GALNT13: variants seen among roughly 807,000 people sequenced by gnomAD.
The protein encoded by GALNT13 is polypeptide N-acetylgalactosaminyltransferase 13.
GALNT13 carries 28 observed loss-of-function variants against 64.2 expected under a neutral mutation model. The ratio of observed to expected loss-of-function variants is 0.44; its 90% CI spans 0.32 to 0.60. The LOEUF is 0.60. Among genes scored for constraint, GALNT13 ranks in the 20% least tolerant of loss-of-function variants. The pLI is 0.05. For missense variants in GALNT13, 577 were observed against 669.8 expected, an observed-to-expected ratio of 0.86 and a Z score of 1.53; for synonymous variants, 214 against 224.6, an observed-to-expected ratio of 0.95 and a Z score of 0.42.
the GALNT13 span, among the ~76,000 whole-genome samples, chr2:153,741,953 C>T: frequency 1.3e-5 from 2 of 152,098 alleles, no homozygotes; most frequent in Non-Finnish European, 2.9e-5. Context: ...ATATAGCCAT[C>T]ATTTCAAATG....
At chr2:153,522,865 C>A in the GALNT13 span, among the ~76,000 whole-genome samples, 1 of 151,960 alleles carries the variant, frequency 6.6e-6, no homozygotes, top group East Asian at 1.9e-4. Context: ...TAATGAAGTC[C>A]AATTTATCAA....
chr2:154,179,468 C>T (rs1685838037), intron 4 of GALNT13, among the ~76,000 whole-genome samples: 1 of 152,108 alleles, frequency 6.6e-6, no homozygotes, highest in Admixed American at 6.6e-5. Context: ...TTGATTCTCT[C>T]ATACTCATTT....
the GALNT13 span, among the ~76,000 whole-genome samples, chr2:153,079,142 G>A: frequency 6.6e-6 from 1 of 152,208 alleles, no homozygotes; most frequent in Non-Finnish European, 1.5e-5. Context: ...TAGATCCCAA[G>A]TGGAGGGGCA....
intron 10 of GALNT13, among the ~76,000 whole-genome samples, chr2:154,401,238 G>A (rs1412332530): frequency 6.6e-6 from 1 of 152,098 alleles, no homozygotes; most frequent in Non-Finnish European, 1.5e-5. Flanking sequence ...AAGCTGCTAG[G>A]CTGCAGAGAT....
At chr2:153,143,206 C>T in the GALNT13 span, among the ~76,000 whole-genome samples, 14 of 151,894 alleles carry the variant, frequency 9.2e-5, no homozygotes, top group Non-Finnish European at 1.6e-4. Flanking sequence ...CACTCATTAA[C>T]GATATGTCAA....
At chr2:154,436,754 T>C (rs985002683) in intron 11 of GALNT13, 2 of 152,204 alleles carry the variant, frequency 1.3e-5, no homozygotes, top group Non-Finnish European at 2.9e-5. Flanking sequence ...CATGAAAAAG[T>C]AAAGAACCTA....
chr2:154,189,218 A>C (rs1364175080), intron 4 of GALNT13, among the ~76,000 whole-genome samples: 1 of 152,104 alleles, frequency 6.6e-6, no homozygotes, highest in Non-Finnish European at 1.5e-5. Flanking sequence ...TAGTGTATAG[A>C]GATGGAATGG....
the GALNT13 span, among the ~76,000 whole-genome samples, chr2:153,223,771 C>T: frequency 6.6e-6 from 1 of 151,702 alleles, no homozygotes; most frequent in Non-Finnish European, 1.5e-5. Context: ...TCAACCTGGC[C>T]AACATGGTGA....
chr2:153,168,741 A>G, the GALNT13 span, among the ~76,000 whole-genome samples: 4 of 152,218 alleles, frequency 2.6e-5, no homozygotes, highest in Non-Finnish European at 4.4e-5. Flanking sequence ...GTACATGTAA[A>G]GTGCCTGATT....
the GALNT13 span, among the ~76,000 whole-genome samples, chr2:153,376,321 C>T: frequency 6.6e-6 from 1 of 152,008 alleles, no homozygotes; most frequent in Non-Finnish European, 1.5e-5. Flanking sequence ...TATCACATGG[C>T]AATAGGCTAT....
chr2:154,243,492 A>G (rs1040142708), intron 6 of GALNT13, among the ~76,000 whole-genome samples: 1 of 152,192 alleles, frequency 6.6e-6, no homozygotes, highest in South Asian at 2.1e-4. Flanking sequence ...AAAAAGAAAC[A>G]TAAGAGCACA....
At chr2:153,233,811 C>T in the GALNT13 span, among the ~76,000 whole-genome samples, 4 of 152,128 alleles carry the variant, frequency 2.6e-5, no homozygotes, top group African/African-American at 9.7e-5. Flanking sequence ...CTTAGGAGAA[C>T]CTGCCCAGAA....
At chr2:154,352,312 C>G (rs1696459031) in intron 9 of GALNT13, among the ~76,000 whole-genome samples, 1 of 152,200 alleles carries the variant, frequency 6.6e-6, no homozygotes, top group Admixed American at 6.5e-5. Flanking sequence ...TGTTTCTGTT[C>G]TGGGACAGTT....
At chr2:153,359,630 CAAA>C in the GALNT13 span, among the ~76,000 whole-genome samples, 1 of 38,240 alleles carries the variant, frequency 2.6e-5, no homozygotes, top group African/African-American at 9.9e-5. Flanking sequence ...CAGCTTTCAG[CAAA>C]AAAAAAAAAA....
At position 154,391,507 on chromosome 2, in the gene GALNT13, TG is replaced by T; in HGVS notation, c.1157-4482del. Among the ~76,000 whole-genome samples the T allele has an allele frequency of 3.9e-5, 6 of 152,248 alleles. No homozygotes were observed. In the Middle Eastern group the frequency reaches 0.02, roughly 518 times the overall value. On this transcript the variant is annotated intron_variant, in intron 9 of 12. Coordinates refer to ENST00000392825, the MANE Select transcript of GALNT13 (RefSeq NM_052917.4). ...TTTAGTCTGTGCTCACAGATGGAAC[TG>T]GAAGAGTGGGGAAGGCAATGAAACC...
chr2:153,366,142 C>A, the GALNT13 span, among the ~76,000 whole-genome samples: 5 of 152,090 alleles, frequency 3.3e-5, no homozygotes, highest in Non-Finnish European at 7.4e-5. Context: ...AACAAAGGAA[C>A]AGGAAAACCA....
At chr2:154,176,565 T>G (rs1242331507) in intron 4 of GALNT13, among the ~76,000 whole-genome samples, 5 of 152,036 alleles carry the variant, frequency 3.3e-5, no homozygotes, top group African/African-American at 1.2e-4. Context: ...AACATATAAT[T>G]TAATTAATAA....
the GALNT13 span, among the ~76,000 whole-genome samples, chr2:153,705,310 T>A: frequency 6.6e-6 from 1 of 151,832 alleles, no homozygotes; most frequent in Non-Finnish European, 1.5e-5. Flanking sequence ...CCTCTCTAAG[T>A]CATAAGGCTT....
chr2:153,552,304 G>T, the GALNT13 span, among the ~76,000 whole-genome samples: 1 of 152,182 alleles, frequency 6.6e-6, no homozygotes, highest in Non-Finnish European at 1.5e-5. Flanking sequence ...GAGCATTAAG[G>T]AAGGGAAAAG....
Sources: gnomAD v4.1 joint callset for allele counts (sites outside exome capture counted in the v4.1 genomes callset) on GRCh38, gnomAD v4.1.1 for gene constraint, MANE v1.5 for transcripts, NCBI Gene and HGNC (gene_info 2026-07-23, HGNC 2026-07-21) for gene names.